Variants in DNAJC7 observed in about 807,000 individuals in gnomAD.
The protein encoded by DNAJC7 is DnaJ heat shock protein family (Hsp40) member C7, also known as dnaJ homolog subfamily C member 7.
Under a neutral mutation model 67.4 loss-of-function variants are expected in DNAJC7, and 18 were observed. The ratio of observed to expected loss-of-function variants is 0.27; its 90% CI spans 0.18 to 0.40. The LOEUF is 0.40. Among genes scored for constraint, DNAJC7 ranks in the 10% least tolerant of loss-of-function variants. DNAJC7 has a pLI of 1.00. For synonymous variants in DNAJC7, 220 were observed against 207.8 expected, an observed-to-expected ratio of 1.06 and a Z score of -0.50; for missense variants, 419 against 613.8, an observed-to-expected ratio of 0.68 and a Z score of 3.35.
intron 1 of DNAJC7, among the ~76,000 whole-genome samples, chr17:42,007,059 G>A (rs56113641): frequency 2.9e-5 from 4 of 136,432 alleles, no homozygotes; most frequent in South Asian, 4.7e-4. Context: ...CTGACATCGC[G>A]CCACTGCACT....
intron 12 of DNAJC7, among the ~76,000 whole-genome samples, chr17:41,981,006 C>T (rs2051235154): frequency 1.3e-5 from 2 of 152,024 alleles, no homozygotes; most frequent in Admixed American, 1.3e-4. Flanking sequence ...CTAGACCAAG[C>T]CCCCTGCAGA....
chr17:41,989,376 C>T (rs548344455), intron 7 of DNAJC7, 28 bp downstream of exon 7: 21 of 1,609,150 alleles, frequency 1.3e-5, no homozygotes, highest in South Asian at 5.5e-5. Flanking sequence ...AAGCTCTTTC[C>T]CAGTTAGGTC....
At position 41,996,421 on chromosome 17, in the gene DNAJC7, G is replaced by T; in HGVS notation, c.295C>A (p.His99Asn). 6.2e-7 allele frequency: 1 copy of T among 1,610,976 alleles called. No individual in the cohort carries two copies. The highest frequency in any genetic ancestry group is 8.5e-7 in the Non-Finnish European group (1 of 1,179,080). ...VRLDDSFVRG[H>N]LREGKCHLSL... ...AGGTGGCACTTGCCCTCTCGTAGAT[G>T]TCCCTAAAAGAACACCAAGAGGGAA... is the stretch of plus-strand genomic sequence containing the variant. The change falls in exon 4 of 14, where the codon CAT becomes AAT. Residue 99 changes from histidine to asparagine, a missense_variant. Transcript: ENST00000457167.
Position 41,990,341 on chromosome 17 carries a change from G to A in DNAJC7, c.522C>T (p.Ala174=). Reference sequence around the variant, plus strand: ...CCTTGAGGATTTTGAAGCGATGGCAGGCAGGGGCAAATTCTAGGGCACGGT... The same window carrying A: ...CCTTGAGGATTTTGAAGCGATGGCAAGCAGGGGCAAATTCTAGGGCACGGT... The part of the protein sequence containing the change: ...CMDRALEFAP[A]CHRFKILKAE... The change falls in exon 6 of 14, where the codon GCC becomes GCT. Residue 174 remains alanine, a synonymous_variant. Transcript: ENST00000457167. 1 of 1,611,630 alleles carries A rather than the reference G, an allele frequency of 6.2e-7. No individual in the cohort carries two copies. Among genetic ancestry groups the A allele is most frequent in the Non-Finnish European group, 8.5e-7 (1 of 1,178,948 alleles).
rs147989923 is a variant in DNAJC7 at position 41,984,786 on chromosome 17, C to T, written c.1011-1150G>A. Reference sequence around the variant, plus strand: ...TGCAGTACAGCTAGCTGCTGTACAACAGAGATTCAATTTCTTACCTGCTAC... The same window carrying T: ...TGCAGTACAGCTAGCTGCTGTACAATAGAGATTCAATTTCTTACCTGCTAC... On this transcript the variant is annotated intron_variant, in intron 9 of 13. Transcript: ENST00000457167. The T allele has an allele frequency of 5.3e-5, 8 of 152,024 alleles. No individual in the cohort carries two copies. The East Asian group carries it at 1.5e-3, about 29-fold the overall frequency. 9.4% of individuals were successfully genotyped at this position (152,024 alleles called of 1,614,324 possible).
At chr17:41,992,532 C>T (rs2051536017) in intron 5 of DNAJC7, 1 of 152,074 alleles carries the variant, frequency 6.6e-6, no homozygotes, top group Non-Finnish European at 1.5e-5. Context: ...TAGAGTTGTG[C>T]TAACTGTCCT....
intron 1 of DNAJC7, chr17:42,016,175 T>C (rs2052278667): frequency 6.6e-6 from 1 of 152,196 alleles, no homozygotes; most frequent in Non-Finnish European, 1.5e-5. Flanking sequence ...GATCAGGAAC[T>C]TGAGATCTGG....
Position 41,996,300 on chromosome 17 carries a change from C to G in DNAJC7, c.405+11G>C. The G allele has an allele frequency of 1.9e-6, 3 of 1,612,786 alleles. No homozygotes were observed. Among genetic ancestry groups the G allele is most frequent in the Non-Finnish European group, 2.5e-6 (3 of 1,179,492 alleles). ...CTGCCTCTTTTGACAGAAACAGGAT[C>G]AGACCCGTACCTCTTGTTGTGCCTG... On this transcript the variant is annotated intron_variant, in intron 4 of 13. Coordinates refer to ENST00000457167, the MANE Select transcript of DNAJC7 (RefSeq NM_003315.4).
chr17:42,017,079 C>T (rs1010396772), intron 1 of DNAJC7: 8 of 1,396,068 alleles, frequency 5.7e-6, no homozygotes, highest in African/African-American at 2.9e-5. Flanking sequence ...GAGACTCGGC[C>T]TCTCCTATAA....
chr17:41,987,286 G>T (rs781837272), intron 9 of DNAJC7, among the ~76,000 whole-genome samples: 27 of 152,170 alleles, frequency 1.8e-4, no homozygotes, highest in Middle Eastern at 6.8e-3. Context: ...CATCCAGGGT[G>T]TTTCAAAAGG....
intron 1 of DNAJC7, among the ~76,000 whole-genome samples, chr17:42,001,868 T>G (rs538641155): frequency 6.6e-6 from 1 of 152,324 alleles, no homozygotes; most frequent in African/African-American, 2.4e-5. Flanking sequence ...CAAGCCCTAC[T>G]AATATGAAAA....
intron 1 of DNAJC7, among the ~76,000 whole-genome samples, chr17:42,008,820 G>A (rs1367725861): frequency 6.6e-6 from 1 of 152,160 alleles, no homozygotes; most frequent in Non-Finnish European, 1.5e-5. Context: ...TGATTCTCCT[G>A]CCTCAGCCTC....
intron 5 of DNAJC7, among the ~76,000 whole-genome samples, chr17:41,990,946 A>G (rs1274733894): frequency 6.6e-6 from 1 of 152,096 alleles, no homozygotes; most frequent in African/African-American, 2.4e-5. Flanking sequence ...TACAGGCGTG[A>G]GCCACCACAC....
intron 2 of DNAJC7, among the ~76,000 whole-genome samples, chr17:41,998,120 C>T (rs1349706075): frequency 6.6e-6 from 1 of 152,070 alleles, no homozygotes; most frequent in Non-Finnish European, 1.5e-5. Context: ...GCCTCAGCCT[C>T]CAAAAGCGTT....
intron 6 of DNAJC7, 122 bp from the exon 7 acceptor site, chr17:41,989,679 CAGATTCCCA>C (rs1444572504): frequency 3.1e-6 from 4 of 1,307,338 alleles, no homozygotes; most frequent in Non-Finnish European, 4.2e-6. Context: ...CAAAGGTAGA[CAGATTCCCA>C]AGAACTGTTC....
chr17:41,976,853 A>T (rs782475516), intron 13 of DNAJC7, 83 bp from the exon 14 acceptor site: 7 of 1,538,108 alleles, frequency 4.6e-6, no homozygotes, highest in Non-Finnish European at 6.2e-6. Flanking sequence ...AAAGTCTTCA[A>T]GGGCTGCTTC....
chr17:41,976,875 CAGAG>C (rs1455727397), intron 13 of DNAJC7, 105 bp from the exon 14 acceptor site: 9 of 1,393,762 alleles, frequency 6.5e-6, no homozygotes, highest in African/African-American at 1.5e-5. Context: ...AACTCAAACA[CAGAG>C]AGAAACTCTA....
chr17:42,009,302 C>A (rs1163363352), intron 1 of DNAJC7, among the ~76,000 whole-genome samples: 1 of 152,148 alleles, frequency 6.6e-6, no homozygotes, highest in Non-Finnish European at 1.5e-5. Context: ...GGAGAAGCCT[C>A]AACACGGGCA....
intron 12 of DNAJC7, among the ~76,000 whole-genome samples, chr17:41,980,168 G>A (rs1434953399): frequency 1.3e-5 from 2 of 150,184 alleles, no homozygotes; most frequent in African/African-American, 2.5e-5. Context: ...TCCTGCCTCA[G>A]CCTCCCAAGT....
Sources: gnomAD v4.1 joint callset for allele counts (sites outside exome capture counted in the v4.1 genomes callset) on GRCh38, gnomAD v4.1.1 for gene constraint, MANE v1.5 for transcripts, NCBI Gene and HGNC (gene_info 2026-07-23, HGNC 2026-07-21) for gene names.